The following AASS variants were observed in gnomAD, a reference collection of about 807,000 sequenced individuals.
The protein encoded by AASS is aminoadipate-semialdehyde synthase.
In AASS, 86 loss-of-function variants were observed where a neutral mutation model predicts 105.4. The ratio of observed to expected loss-of-function variants is 0.82; its 90% CI spans 0.69 to 0.98. The LOEUF is 0.98. Ranked by LOEUF, AASS falls within the 50% of genes least tolerant of loss-of-function variation. The pLI is 0.00. For synonymous variants in AASS, 381 were observed against 394.8 expected, an observed-to-expected ratio of 0.96 and a Z score of 0.41; for missense variants, 1,048 against 1,143.2, an observed-to-expected ratio of 0.92 and a Z score of 1.20.
chr7:122,143,342 T>C (rs866776685), intron 1 of AASS, among the ~76,000 whole-genome samples: 23 of 151,826 alleles, frequency 1.5e-4, no homozygotes, highest in African/African-American at 5.6e-4. Context: ...TCTCTCTCTC[T>C]TCCGCTCCCC....
intron 15 of AASS, among the ~76,000 whole-genome samples, chr7:122,097,467 A>G (rs557472051): frequency 6.6e-6 from 1 of 152,168 alleles, no homozygotes; most frequent in South Asian, 2.1e-4. Flanking sequence ...TTATTTCATT[A>G]TCTAGGTAAT....
At chr7:122,129,635 A>G in intron 2 of AASS, 98 bp from the exon 3 acceptor site, 2 of 1,123,770 alleles carry the variant, frequency 1.8e-6, no homozygotes, top group Non-Finnish European at 2.7e-6. Context: ...AATCTTTTGA[A>G]GGAATAAAAT....
chr7:122,100,006 A>G (rs1363597609), intron 13 of AASS, among the ~76,000 whole-genome samples: 1 of 151,926 alleles, frequency 6.6e-6, no homozygotes, highest in Non-Finnish European at 1.5e-5. Flanking sequence ...CCTAGATTCT[A>G]ATACTGTCCA....
intron 8 of AASS, 49 bp from the exon 9 acceptor site, chr7:122,115,271 A>G (rs781586418): frequency 1.3e-6 from 2 of 1,590,638 alleles, no homozygotes; most frequent in Non-Finnish European, 1.7e-6. Flanking sequence ...GCCTATTTTA[A>G]TACAGTATAC....
At chr7:122,092,616 T>C (rs566921228) in intron 17 of AASS, among the ~76,000 whole-genome samples, 81 of 151,820 alleles carry the variant, frequency 5.3e-4, no homozygotes, top group Non-Finnish European at 9.1e-4. Flanking sequence ...CCCAGCTACT[T>C]GGGAGGCTGA....
intron 2 of AASS, among the ~76,000 whole-genome samples, chr7:122,132,761 GC>G (rs1271159795): frequency 8.5e-5 from 13 of 152,206 alleles, no homozygotes; most frequent in Admixed American, 7.8e-4. Flanking sequence ...GTGCCCAGTA[GC>G]AGGACACTCT....
At chr7:122,090,377 T>C (rs1226955764) in intron 18 of AASS, among the ~76,000 whole-genome samples, 1 of 152,090 alleles carries the variant, frequency 6.6e-6, no homozygotes, top group Non-Finnish European at 1.5e-5. Flanking sequence ...CAAATCAGAA[T>C]CTTTGGGGAT....
At chr7:122,093,796 T>G (rs114426112) in intron 15 of AASS, among the ~76,000 whole-genome samples, 1 of 151,786 alleles carries the variant, frequency 6.6e-6, no homozygotes, top group African/African-American at 2.4e-5. Context: ...GGCAATAGAG[T>G]GAGACCCTGT....
chr7:122,102,466 G>A (rs899418326), intron 11 of AASS, among the ~76,000 whole-genome samples: 1 of 151,916 alleles, frequency 6.6e-6, no homozygotes, highest in African/African-American at 2.4e-5. Flanking sequence ...TGCTGTTTCT[G>A]GTGGACAGGG....
chr7:122,090,169 G>C (rs1164934052), intron 18 of AASS, among the ~76,000 whole-genome samples: 1 of 152,140 alleles, frequency 6.6e-6, no homozygotes, highest in Non-Finnish European at 1.5e-5. Context: ...GGGATGCCAG[G>C]AATTAGACCA....
intron 17 of AASS, 31 bp from the exon 18 acceptor site, chr7:122,091,874 G>A (rs1175863490): frequency 1.4e-6 from 2 of 1,466,902 alleles, no homozygotes; most frequent in Non-Finnish European, 9.5e-7. Flanking sequence ...AAATAAGGAA[G>A]AATTCACAAC....
At chr7:122,095,187 G>A (rs532917221) in intron 15 of AASS, among the ~76,000 whole-genome samples, 3 of 151,962 alleles carry the variant, frequency 2.0e-5, no homozygotes, top group African/African-American at 7.2e-5. Flanking sequence ...GAGGAGACAG[G>A]CTTTAACGGT....
At chr7:122,101,820 A>G in intron 11 of AASS, 140 bp from the exon 12 acceptor site, 2 of 700,076 alleles carry the variant, frequency 2.9e-6, no homozygotes, top group Non-Finnish European at 2.5e-6. Flanking sequence ...AGTATAAGTG[A>G]TTGCTAATAG....
At chr7:122,139,002 G>A (rs115073055) in intron 1 of AASS, among the ~76,000 whole-genome samples, 41 of 152,194 alleles carry the variant, frequency 2.7e-4, no homozygotes, top group African/African-American at 9.4e-4. Context: ...TTATATTTAA[G>A]AAAAGCCACT....
At chr7:122,137,888 T>C (rs1033762139) in intron 1 of AASS, among the ~76,000 whole-genome samples, 2 of 152,160 alleles carry the variant, frequency 1.3e-5, no homozygotes, top group African/African-American at 4.8e-5. Flanking sequence ...CTAGTGAGGT[T>C]ACCCGACAAT....
chr7:122,104,301 A>AT (rs1442485306), intron 11 of AASS, among the ~76,000 whole-genome samples: 1 of 151,742 alleles, frequency 6.6e-6, no homozygotes, highest in African/African-American at 2.4e-5. Flanking sequence ...CAGCCATAAA[A>AT]AAGAATGAAA....
At chr7:122,113,376 A>G in intron 10 of AASS, 147 bp from the exon 11 acceptor site, 2 of 998,922 alleles carry the variant, frequency 2.0e-6, no homozygotes, top group Non-Finnish European at 3.0e-6. Flanking sequence ...AACTTTTCAA[A>G]CAAAACGTTT....
intron 17 of AASS, 132 bp downstream of exon 17, chr7:122,092,711 C>T: frequency 1.3e-6 from 1 of 773,688 alleles, no homozygotes; most frequent in Non-Finnish European, 2.2e-6. Context: ...GCAACAAGAG[C>T]AAAACTCAGT....
At chr7:122,086,615 G>A (rs1793639653) in intron 18 of AASS, among the ~76,000 whole-genome samples, 3 of 151,550 alleles carry the variant, frequency 2.0e-5, no homozygotes, top group South Asian at 4.2e-4. Context: ...ATATAAAAAT[G>A]TTTAAAAAAT....
Sources: allele counts gnomAD v4.1 joint callset (sites outside exome capture counted in the v4.1 genomes callset), GRCh38; gene constraint gnomAD v4.1.1; transcripts MANE v1.5; gene names NCBI Gene and HGNC (gene_info 2026-07-23, HGNC 2026-07-21).